The following IQGAP2 variants were observed in gnomAD, a reference collection of about 807,000 sequenced individuals.
IQGAP2 encodes ras GTPase-activating-like protein IQGAP2.
In IQGAP2, 173 loss-of-function variants were observed where a neutral mutation model predicts 201.3. The observed-to-expected ratio is 0.86, with a 90% CI of 0.76 to 0.98. The LOEUF is 0.98. IQGAP2 is among the 50% of genes least tolerant of loss of function. The probability of loss-of-function intolerance (pLI) is 0.00; values close to 1 mark genes in which losing one functional copy is unlikely to be tolerated. For missense variants in IQGAP2, 1,687 were observed against 1,864.8 expected (o/e 0.90, Z 1.76); for synonymous variants, 675 against 673.9 (o/e 1.00, Z -0.03).
chr5:76,573,456 G>A (rs575778198), intron 4 of IQGAP2, among the ~76,000 whole-genome samples: 1 of 152,306 alleles, frequency 6.6e-6, no homozygotes, highest in Admixed American at 6.5e-5. Flanking sequence ...AAACATTCTG[G>A]TGAATGATAA....
At chr5:76,686,775 C>T (rs1403276014) in intron 30 of IQGAP2, among the ~76,000 whole-genome samples, 1 of 152,196 alleles carries the variant, frequency 6.6e-6, no homozygotes, top group Non-Finnish European at 1.5e-5. Flanking sequence ...TCCCAAAGTG[C>T]TGGGATTACA....
intron 28 of IQGAP2, among the ~76,000 whole-genome samples, chr5:76,679,916 T>G (rs1375566059): frequency 6.6e-6 from 1 of 152,206 alleles, no homozygotes; most frequent in East Asian, 1.9e-4. Flanking sequence ...ACAGAAACTT[T>G]AGAAGAAAAT....
In IQGAP2 at chr5:76,403,679, G is replaced by A; in HGVS notation, c.46+88G>A. The A allele has an allele frequency of 8.4e-7, 1 of 1,184,102 alleles. No individual in the cohort carries two copies. The allele number at this position is 1,184,102 out of a possible 1,614,324, so 73.3% of individuals were successfully genotyped here. ...GTTGGAGAAGCCGAGGGAGCCGGTT[G>A]CGCGGCGCAGAGGAAATTGGAAGGC... On this transcript the variant is annotated intron_variant, in intron 1 of 35. Coordinates refer to ENST00000274364, the MANE Select transcript of IQGAP2 (RefSeq NM_006633.5). This position sits in a 1 kb window ranked among gnomAD's most constrained non-coding sequence, Gnocchi z 4.8.
chr5:76,660,330 A>G (rs1743141929), intron 21 of IQGAP2: 1 of 152,258 alleles, frequency 6.6e-6, no homozygotes, highest in Non-Finnish European at 1.5e-5. Flanking sequence ...AATGTTCTAC[A>G]TTTAACTCTA....
chr5:76,529,678 G>A lies in IQGAP2; in HGVS notation c.147-32718G>A, dbSNP rs997233074. On this transcript the variant is annotated intron_variant, in intron 2 of 35. Coordinates refer to ENST00000274364, the MANE Select transcript of IQGAP2 (RefSeq NM_006633.5). ...TAATAATAATAATAATAATAATAATGGTTATTTTTAAAGTAATATTTAATG... is the reference window on the plus strand; with the variant it reads ...TAATAATAATAATAATAATAATAATAGTTATTTTTAAAGTAATATTTAATG... 1.1e-4 allele frequency among the ~76,000 whole-genome samples: 15 copies of A among 136,756 alleles called. No homozygotes were observed. The East Asian group carries it at 1.5e-3, about 14-fold the overall frequency. The allele number at this position is 136,756 out of a possible 152,430, so 89.7% of individuals were successfully genotyped here.
chr5:76,652,803 G>C lies in IQGAP2; in HGVS notation c.2148G>C (p.Thr716=). Residue 716 remains threonine (T), a synonymous_variant, in exon 18 of 36, where the codon ACG becomes ACC. Coordinates refer to ENST00000274364, the MANE Select transcript of IQGAP2 (RefSeq NM_006633.5). Reference sequence around the variant, plus strand: ...AGGAGTATATGCACAGGCGGCAAACGTTCATTGATAATACTGATTCTATTG... The same window carrying C: ...AGGAGTATATGCACAGGCGGCAAACCTTCATTGATAATACTGATTCTATTG... ...QRKEYMHRRQ[T]FIDNTDSIVK... is the part of the protein sequence containing the mutation. 1 of 1,609,552 alleles carries C rather than the reference G, an allele frequency of 6.2e-7. No individual in the cohort carries two copies. The highest frequency in any genetic ancestry group is 2.2e-5 in the East Asian group (1 of 44,870).
At chr5:76,648,501 T>C (rs1156273348) in intron 17 of IQGAP2, among the ~76,000 whole-genome samples, 1 of 152,204 alleles carries the variant, frequency 6.6e-6, no homozygotes, top group African/African-American at 2.4e-5. Context: ...CAATCACTTA[T>C]GTCAAGAACC....
chr5:76,653,794 AAGGAT>A (rs1752698710), intron 18 of IQGAP2, among the ~76,000 whole-genome samples: 1 of 152,160 alleles, frequency 6.6e-6, no homozygotes, highest in Non-Finnish European at 1.5e-5. Flanking sequence ...TAAAAACTTA[AAGGAT>A]ATTGGATGCA....
At position 76,423,180 on chromosome 5, in the gene IQGAP2, G is replaced by GA. The variant is rs1303686961; in HGVS notation, c.46+19594dup. ...AACTCAGTATAGCCATTAAATTTGG[G>GA]AAAAAGAAGAATTTTAGACATTCTA... On this transcript the variant is annotated intron_variant, in intron 1 of 35. Transcript: ENST00000274364. Among the ~76,000 whole-genome samples, 3 of 152,288 alleles carry GA rather than the reference G, an allele frequency of 2.0e-5. No individual in the cohort carries two copies. The East Asian group carries it at 5.8e-4, about 29-fold the overall frequency.
intron 2 of IQGAP2, among the ~76,000 whole-genome samples, chr5:76,506,161 C>A (rs1257026450): frequency 2.0e-5 from 3 of 152,160 alleles, no homozygotes; most frequent in Non-Finnish European, 4.4e-5. Context: ...GATTTTCAAA[C>A]CCCTGGACAG....
chr5:76,647,163 C>T (rs1373009572), intron 17 of IQGAP2, among the ~76,000 whole-genome samples: 1 of 152,136 alleles, frequency 6.6e-6, no homozygotes, highest in Admixed American at 6.5e-5. Context: ...CCCTATTCTT[C>T]CGTAAATACA....
In IQGAP2 at chr5:76,707,199, G is replaced by C; in HGVS notation, c.4615-1G>C. ...TTTAATGATGCTTTTTACAATTTCAGGATTTACTTCAGATGCAATATGAAG... is the reference window on the plus strand; with the variant it reads ...TTTAATGATGCTTTTTACAATTTCACGATTTACTTCAGATGCAATATGAAG... On this transcript the variant is annotated splice_acceptor_variant, in intron 35 of 35. Coordinates refer to ENST00000274364, the MANE Select transcript of IQGAP2 (RefSeq NM_006633.5). LOFTEE classifies it high-confidence loss of function. The C allele has an allele frequency of 7.8e-7, 1 of 1,275,120 alleles. No homozygotes were observed. Among genetic ancestry groups the C allele is most frequent in the Non-Finnish European group, 1.1e-6 (1 of 878,756 alleles). The allele number at this position is 1,275,120 out of a possible 1,614,324, so 79.0% of individuals were successfully genotyped here. A position where few individuals can be genotyped will look rare whatever the true frequency, so the allele number is the denominator to read the frequency against.
chr5:76,536,510 A>T (rs1468712403), intron 2 of IQGAP2, among the ~76,000 whole-genome samples: 7 of 152,052 alleles, frequency 4.6e-5, no homozygotes, highest in Admixed American at 3.9e-4. Flanking sequence ...CTGTAATCCC[A>T]GCACTTTGGG....
At chr5:76,584,461 G>T (rs1199510764) in intron 5 of IQGAP2, among the ~76,000 whole-genome samples, 1 of 152,154 alleles carries the variant, frequency 6.6e-6, no homozygotes, top group East Asian at 1.9e-4. Context: ...CCCACAAAAC[G>T]CTGGGGGTTG....
chr5:76,465,491 C>T (rs1754718191), intron 2 of IQGAP2, among the ~76,000 whole-genome samples: 1 of 152,142 alleles, frequency 6.6e-6, no homozygotes, highest in South Asian at 2.1e-4. Context: ...TTTTTTCTTA[C>T]CACTTCTGTT....
At chr5:76,431,701 T>C (rs1752376732) in intron 1 of IQGAP2, among the ~76,000 whole-genome samples, 1 of 151,954 alleles carries the variant, frequency 6.6e-6, no homozygotes, top group East Asian at 1.9e-4. Flanking sequence ...CGCTTGCCTG[T>C]AGTCCCAGCT....
intron 1 of IQGAP2, among the ~76,000 whole-genome samples, chr5:76,456,917 T>G (rs1218310391): frequency 6.6e-6 from 1 of 152,154 alleles, no homozygotes; most frequent in Non-Finnish European, 1.5e-5. Flanking sequence ...AGACCTTTTC[T>G]CTACTGAAAA....
intron 21 of IQGAP2, 31 bp downstream of exon 21, chr5:76,658,698 C>T: frequency 6.3e-7 from 1 of 1,584,794 alleles, no homozygotes; most frequent in Non-Finnish European, 8.7e-7. Flanking sequence ...TGTCAGCTCC[C>T]AGAAGAGGGA....
At chr5:76,519,018 A>T (rs1305270274) in intron 2 of IQGAP2, among the ~76,000 whole-genome samples, 1 of 152,208 alleles carries the variant, frequency 6.6e-6, no homozygotes, top group African/African-American at 2.4e-5. Flanking sequence ...CTACCATCCT[A>T]ACAAACCCAA....
Sources: allele counts gnomAD v4.1 joint callset (sites outside exome capture counted in the v4.1 genomes callset), GRCh38; gene constraint gnomAD v4.1.1; non-coding constraint Gnocchi (gnomAD v3.1); transcripts MANE v1.5; gene names NCBI Gene and HGNC (gene_info 2026-07-23, HGNC 2026-07-21).